The following SLC10A1 variants were observed in gnomAD, a reference collection of about 807,000 sequenced individuals.
SLC10A1 encodes the protein solute carrier family 10 member 1.
Under a neutral mutation model 20.5 loss-of-function variants are expected in SLC10A1, and 36 were observed. The ratio of observed to expected loss-of-function variants is 1.75; its 90% CI spans 1.34 to 2.32. SLC10A1 has a LOEUF of 2.32. SLC10A1 is among the 30% of genes most tolerant of loss of function. The pLI is 0.00. For missense variants in SLC10A1, 545 were observed against 439.1 expected (o/e 1.24, Z -2.16); for synonymous variants, 188 against 163.6 (o/e 1.15, Z -1.14).
chr14:69,793,927 C>T (rs1240148145), intron 1 of SLC10A1, among the ~76,000 whole-genome samples: 4 of 152,190 alleles, frequency 2.6e-5, no homozygotes, highest in East Asian at 1.9e-4. Context: ...AGGGAGCTGC[C>T]GTCCCTGGCT....
At position 69,797,071 on chromosome 14, in the gene SLC10A1, C is replaced by T. The variant is rs148905100; in HGVS notation, c.85G>A (p.Val29Ile). ...AAGAACAACATGAACACCAGGATGA[C>T]GCTCAGTGCCAGGTCTGTGGGGCGC... is the stretch of plus-strand genomic sequence containing the variant. ...GKRPTDLALS[V>I]ILVFMLFFIM... is the part of the protein sequence containing the mutation. Residue 29 changes from valine to isoleucine, a missense_variant, in exon 1 of 5, where the codon GTC becomes ATC. Coordinates refer to ENST00000216540, the MANE Select transcript of SLC10A1 (RefSeq NM_003049.4). 5.7e-5 allele frequency: 92 copies of T among 1,614,152 alleles called. No homozygotes were observed. The highest frequency in any genetic ancestry group is 4.9e-4 in the Middle Eastern group (3 of 6,062).
rs748474136 is a variant in SLC10A1, at chr14:69,778,315, G to A, written c.943+18C>T. The stretch of plus-strand genomic sequence containing the variant: ...ATATTGGAGCAGAACTTGAAGTGGG[G>A]ATAATTTCAGTACTCACCCTTGGGA... On this transcript the variant is annotated intron_variant, in intron 4 of 4. Coordinates refer to ENST00000216540, the MANE Select transcript of SLC10A1 (RefSeq NM_003049.4). 6.4e-7 allele frequency: 1 copy of A among 1,559,056 alleles called. No homozygotes were observed. The highest frequency in any genetic ancestry group is 1.2e-5 in the South Asian group (1 of 81,540).
At position 69,796,964 on chromosome 14, in the gene SLC10A1, G is replaced by A. The variant is rs1882398562; in HGVS notation, c.192C>T (p.Ala64=). The change falls in exon 1 of 5, where the codon GCC becomes GCT. Residue 64 remains alanine (A), a synonymous_variant. Coordinates refer to ENST00000216540, the MANE Select transcript of SLC10A1 (RefSeq NM_003049.4). The stretch of plus-strand genomic sequence containing the variant: ...GCATGATGCCATACTGTGCCACCAG[G>A]GCGATGGCCAGCCCTTTAGGCTTCC... ...HLWKPKGLAI[A]LVAQYGIMPL... is the part of the protein sequence containing the mutation. 1.9e-6 allele frequency: 3 copies of A among 1,614,216 alleles called. No homozygotes were observed. The African/African-American group carries it at 4.0e-5, about 22-fold the overall frequency.
chr14:69,783,933 A>G (rs1375315674), intron 2 of SLC10A1, among the ~76,000 whole-genome samples: 1 of 152,246 alleles, frequency 6.6e-6, no homozygotes, highest in Non-Finnish European at 1.5e-5. Context: ...ACCGACTGAG[A>G]TAACCACATG....
intron 1 of SLC10A1, among the ~76,000 whole-genome samples, chr14:69,794,023 G>A (rs550641048): frequency 1.1e-3 from 161 of 152,144 alleles, no homozygotes; most frequent in Non-Finnish European, 1.1e-3. Flanking sequence ...AGAGTGAGTG[G>A]AGGGAGACAC....
At chr14:69,780,575 G>C (rs1167519458) in intron 2 of SLC10A1, among the ~76,000 whole-genome samples, 1 of 152,146 alleles carries the variant, frequency 6.6e-6, no homozygotes, top group Non-Finnish European at 1.5e-5. Context: ...CATTCATAAT[G>C]TCCTAACGAC....
intron 2 of SLC10A1, 69 bp from the exon 3 acceptor site, chr14:69,779,429 C>T: frequency 7.7e-7 from 1 of 1,306,920 alleles, no homozygotes; most frequent in Non-Finnish European, 1.1e-6. Context: ...TGGGGAAGCA[C>T]AGGTAGAAAT....
intron 1 of SLC10A1, among the ~76,000 whole-genome samples, chr14:69,795,400 C>CTT (rs140035207): frequency 0.031 from 3,940 of 128,774 alleles, 162 homozygotes; most frequent in African/African-American, 0.076. Flanking sequence ...TTTTTATTTC[C>CTT]TTTTTTTTTT....
At chr14:69,795,324 G>C (rs1882367414) in intron 1 of SLC10A1, among the ~76,000 whole-genome samples, 2 of 151,744 alleles carry the variant, frequency 1.3e-5, no homozygotes, top group African/African-American at 4.8e-5. Context: ...GAATCATATG[G>C]AAAAAGAGCC....
intron 1 of SLC10A1, among the ~76,000 whole-genome samples, chr14:69,789,076 G>A (rs1883786917): frequency 6.6e-6 from 1 of 152,118 alleles, no homozygotes; most frequent in Non-Finnish European, 1.5e-5. Flanking sequence ...AAGTGTTGGA[G>A]GGTATATGGA....
In SLC10A1 at chr14:69,776,046, A is replaced by G. The variant is rs922860476; in HGVS notation, c.*236T>C. On this transcript the variant is annotated 3_prime_UTR_variant, in exon 5 of 5. Coordinates refer to ENST00000216540, the MANE Select transcript of SLC10A1 (RefSeq NM_003049.4). ...TTCGGTTTCTGGTTTCATAGAGTTT[A>G]CAGTCACTGAACAAGTCTTTAAAAT... The G allele has an allele frequency of 3.8e-6, 2 of 519,986 alleles. No individual in the cohort carries two copies. Among genetic ancestry groups the G allele is most frequent in the Middle Eastern group, 5.1e-4 (1 of 1,980 alleles). The allele number at this position is 519,986 out of a possible 1,614,324, so 32.2% of individuals were successfully genotyped here.
At position 69,776,311 on chromosome 14, in the gene SLC10A1, C is replaced by T. The variant is rs1374516672; in HGVS notation, c.1021G>A (p.Gly341Arg). The T allele has an allele frequency of 1.2e-6, 2 of 1,613,574 alleles. No homozygotes were observed. Among genetic ancestry groups the T allele is most frequent in the South Asian group, 1.1e-5 (1 of 91,038 alleles). Residue 341 changes from glycine to arginine, a missense_variant, in exon 5 of 5, where the codon GGG (glycine) becomes AGG (arginine). Gly to Arg is a moderately radical substitution (Grantham distance 125). Coordinates refer to ENST00000216540, the MANE Select transcript of SLC10A1 (RefSeq NM_003049.4). ...PGALGNGTYK[G>R]EDCSPCTA is the part of the protein sequence containing the mutation. The stretch of plus-strand genomic sequence containing the variant: ...GCTGTGCAAGGGGAGCAGTCCTCCC[C>T]TTTGTAGGTGCCATTTCCCAGAGCT...
At chr14:69,787,687 C>T (rs1010913205) in intron 1 of SLC10A1, among the ~76,000 whole-genome samples, 2 of 152,068 alleles carry the variant, frequency 1.3e-5, no homozygotes, top group Admixed American at 1.3e-4. Flanking sequence ...ATAGGAACTC[C>T]CCCACCCCCG....
Position 69,776,264 on chromosome 14 carries a change from A to G in SLC10A1, c.*18T>C, listed in dbSNP as rs762452049. 3.8e-6 allele frequency: 6 copies of G among 1,596,694 alleles called. No individual in the cohort carries two copies. In the South Asian group the frequency reaches 6.6e-5, roughly 18 times the overall value. ...CAGAATTGCTTTGGGACCAGAATCC[A>G]GGCCACCAGGGGAAGGGCTAGGCTG... is the stretch of plus-strand genomic sequence containing the variant. On this transcript the variant is annotated 3_prime_UTR_variant, in exon 5 of 5. Coordinates refer to ENST00000216540, the MANE Select transcript of SLC10A1 (RefSeq NM_003049.4).
intron 3 of SLC10A1, among the ~76,000 whole-genome samples, chr14:69,778,858 G>A (rs1383395283): frequency 6.6e-6 from 1 of 152,168 alleles, no homozygotes; most frequent in East Asian, 1.9e-4. Context: ...CCATGGGACA[G>A]TGGGACCTAA....
At chr14:69,792,183 G>C (rs1271821802) in intron 1 of SLC10A1, among the ~76,000 whole-genome samples, 2 of 151,906 alleles carry the variant, frequency 1.3e-5, no homozygotes, top group African/African-American at 4.8e-5. Flanking sequence ...GATAGTAAAA[G>C]ATTTCTTAAA....
intron 1 of SLC10A1, among the ~76,000 whole-genome samples, chr14:69,791,963 T>G (rs1882282808): frequency 6.6e-6 from 1 of 152,026 alleles, no homozygotes; most frequent in East Asian, 1.9e-4. Context: ...ATTTTTTTTT[T>G]TTTTTTGAGA....
At chr14:69,785,586 CTTTT>C (rs1883691743) in intron 2 of SLC10A1, among the ~76,000 whole-genome samples, 2 of 145,728 alleles carry the variant, frequency 1.4e-5, no homozygotes, top group African/African-American at 2.6e-5. Flanking sequence ...CATTTTCTTT[CTTTT>C]CTTTTTTTTT....
chr14:69,795,747 G>C (rs1882375881), intron 1 of SLC10A1, among the ~76,000 whole-genome samples: 1 of 152,094 alleles, frequency 6.6e-6, no homozygotes, highest in South Asian at 2.1e-4. Flanking sequence ...ATCTGTCCCA[G>C]TGTCATTTTG....
Sources: allele counts gnomAD v4.1 joint callset (sites outside exome capture counted in the v4.1 genomes callset), GRCh38; gene constraint gnomAD v4.1.1; transcripts MANE v1.5; gene names NCBI Gene and HGNC (gene_info 2026-07-23, HGNC 2026-07-21).